The following THSD4 variants were observed in gnomAD, a reference collection of about 807,000 sequenced individuals.
THSD4 encodes thrombospondin type 1 domain containing 4, also known as thrombospondin type-1 domain-containing protein 4.
THSD4 carries 69 observed loss-of-function variants against 119.0 expected under a neutral mutation model. That is an observed-to-expected ratio of 0.58 (90% CI 0.48 to 0.71). The LOEUF is 0.71. THSD4 is among the 30% of genes least tolerant of loss of function. THSD4 has a pLI of 0.00. For missense variants in THSD4, 1,393 were observed against 1,391.1 expected (o/e 1.00, Z -0.02); for synonymous variants, 524 against 540.4 (o/e 0.97, Z 0.42).
intron 7 of THSD4, among the ~76,000 whole-genome samples, chr15:71,571,439 G>T (rs1272094205): frequency 6.6e-6 from 1 of 152,090 alleles, no homozygotes; most frequent in Non-Finnish European, 1.5e-5. Context: ...AAACAGAAAT[G>T]TTTAGCAAAT....
chr15:71,097,406 A>C (rs2040235050), intron 1 of THSD4, among the ~76,000 whole-genome samples: 1 of 152,052 alleles, frequency 6.6e-6, no homozygotes, highest in South Asian at 2.1e-4. Context: ...CTCTACAAAA[A>C]ATACAAAAAT....
At chr15:71,747,094 A>G in intron 13 of THSD4, 52 bp downstream of exon 13, 1 of 1,532,758 alleles carries the variant, frequency 6.5e-7, no homozygotes, top group Non-Finnish European at 8.8e-7. Flanking sequence ...CTCCCACCAC[A>G]CTTTCCAGCC....
intron 4 of THSD4, among the ~76,000 whole-genome samples, chr15:71,233,149 G>A (rs1004345433): frequency 6.6e-6 from 1 of 152,204 alleles, no homozygotes; most frequent in African/African-American, 2.4e-5. Context: ...TTCTTGATGA[G>A]ACAGTTCAGA....
chr15:71,197,580 C>A (rs1407856692), intron 3 of THSD4, among the ~76,000 whole-genome samples: 1 of 152,166 alleles, frequency 6.6e-6, no homozygotes, highest in Non-Finnish European at 1.5e-5. Context: ...TGGGAAAGCA[C>A]CCAGTGTGCT....
intron 6 of THSD4, among the ~76,000 whole-genome samples, chr15:71,340,979 T>A (rs983879815): frequency 3.9e-5 from 6 of 152,152 alleles, no homozygotes; most frequent in Non-Finnish European, 7.4e-5. Flanking sequence ...GTCCCTACAG[T>A]TCCTGGGGTA....
intron 7 of THSD4, among the ~76,000 whole-genome samples, chr15:71,633,710 T>C (rs1316480213): frequency 6.6e-6 from 1 of 152,244 alleles, no homozygotes; most frequent in East Asian, 1.9e-4. Flanking sequence ...TCAAAAATTG[T>C]AAACTTGTCT....
intron 17 of THSD4, among the ~76,000 whole-genome samples, chr15:71,772,689 T>C (rs2053842864): frequency 6.6e-6 from 1 of 152,174 alleles, no homozygotes; most frequent in Non-Finnish European, 1.5e-5. Flanking sequence ...ACCTGATATA[T>C]GATATAGGCA....
chr15:71,354,631 G>T (rs973046103), intron 6 of THSD4, among the ~76,000 whole-genome samples: 2 of 152,114 alleles, frequency 1.3e-5, no homozygotes, highest in Admixed American at 1.3e-4. Flanking sequence ...AAACACTTTG[G>T]GCTCTAACAT....
chr15:71,311,973 G>A (rs763152455), intron 6 of THSD4, among the ~76,000 whole-genome samples: 7 of 152,214 alleles, frequency 4.6e-5, no homozygotes, highest in East Asian at 1.9e-4. Flanking sequence ...CCCATAGCCC[G>A]TGCTCCACAC....
At chr15:71,753,260 C>G (rs746273322) in intron 14 of THSD4, among the ~76,000 whole-genome samples, 1 of 152,116 alleles carries the variant, frequency 6.6e-6, no homozygotes, top group African/African-American at 2.4e-5. Flanking sequence ...AAGTAAGCAT[C>G]GTTGACTTTT....
intron 6 of THSD4, among the ~76,000 whole-genome samples, chr15:71,402,033 A>G (rs1180007891): frequency 6.8e-6 from 1 of 147,848 alleles, no homozygotes; most frequent in Non-Finnish European, 1.5e-5. Flanking sequence ...GTTCTCACTC[A>G]TAGGTGGGAA....
In THSD4 at chr15:71,338,312, T is replaced by C. The variant is rs965292611; in HGVS notation, c.1016-73375T>C. Among the ~76,000 whole-genome samples the C allele has an allele frequency of 2.2e-5, 3 of 134,894 alleles. No individual in the cohort carries two copies. The East Asian group carries it at 7.8e-4, about 35-fold the overall frequency. 88.5% of individuals were successfully genotyped at this position (134,894 alleles called of 152,430 possible). A position where few individuals can be genotyped will look rare whatever the true frequency, so the allele number is the denominator to read the frequency against. On this transcript the variant is annotated intron_variant, in intron 6 of 17. Coordinates refer to ENST00000261862, the MANE Select transcript of THSD4 (RefSeq NM_024817.3). Reference sequence around the variant, plus strand: ...GAGCTTCTTTCCGAACACTCAGCAGTAGGACAGGAAGATCTGAAAGCAAGG... The same window carrying C: ...GAGCTTCTTTCCGAACACTCAGCAGCAGGACAGGAAGATCTGAAAGCAAGG...
At chr15:71,751,936 G>T (rs907325154) in intron 14 of THSD4, among the ~76,000 whole-genome samples, 2 of 152,166 alleles carry the variant, frequency 1.3e-5, no homozygotes, top group Non-Finnish European at 2.9e-5. Context: ...AATAGTGGGG[G>T]CGTGGAATCA....
chr15:71,535,205 C>T (rs2048672562), intron 7 of THSD4, among the ~76,000 whole-genome samples: 1 of 152,198 alleles, frequency 6.6e-6, no homozygotes, highest in South Asian at 2.1e-4. Flanking sequence ...CTATACTGGA[C>T]ATTTCATATA....
intron 3 of THSD4, among the ~76,000 whole-genome samples, chr15:71,160,500 T>C (rs370799590): frequency 6.6e-6 from 1 of 152,052 alleles, no homozygotes; most frequent in African/African-American, 2.4e-5. Flanking sequence ...CCTTATATGC[T>C]ATTGATCTCT....
chr15:71,234,007 C>T (rs761611754), intron 4 of THSD4, among the ~76,000 whole-genome samples: 1 of 152,194 alleles, frequency 6.6e-6, no homozygotes, highest in Non-Finnish European at 1.5e-5. Flanking sequence ...AGCTGTTGGC[C>T]ACCTTCCACC....
chr15:71,596,874 G>C, intron 7 of THSD4, among the ~76,000 whole-genome samples: 1 of 152,210 alleles, frequency 6.6e-6, no homozygotes, highest in East Asian at 1.9e-4. Context: ...GGTTCTCCTG[G>C]CTTGGAATGC....
intron 3 of THSD4, among the ~76,000 whole-genome samples, chr15:71,159,913 A>G (rs928667765): frequency 6.6e-6 from 1 of 152,044 alleles, no homozygotes; most frequent in Non-Finnish European, 1.5e-5. Context: ...TATAATTTAT[A>G]CTATTCTGTA....
chr15:71,638,626 G>T (rs4270126), intron 7 of THSD4, among the ~76,000 whole-genome samples: 2 of 152,210 alleles, frequency 1.3e-5, no homozygotes, highest in African/African-American at 4.8e-5. Flanking sequence ...AGACATATCA[G>T]TGCAACAGTA....
Sources: allele counts gnomAD v4.1 joint callset (sites outside exome capture counted in the v4.1 genomes callset), GRCh38; gene constraint gnomAD v4.1.1; transcripts MANE v1.5; gene names NCBI Gene and HGNC (gene_info 2026-07-23, HGNC 2026-07-21).